The following CDC7 variants were observed in gnomAD, a reference collection of about 807,000 sequenced individuals.
CDC7 encodes cell division cycle 7.
A neutral mutation model predicts 53.5 loss-of-function variants in CDC7; 34 were observed. The ratio of observed to expected loss-of-function variants is 0.64; its 90% CI spans 0.48 to 0.85. The LOEUF is 0.85. Ranked by LOEUF, CDC7 falls within the 40% of genes least tolerant of loss-of-function variation. CDC7 has a pLI of 0.00. For missense variants in CDC7, 594 were observed against 679.7 expected (o/e 0.87, Z 1.40); for synonymous variants, 211 against 222.8 (o/e 0.95, Z 0.47).
In CDC7 at chr1:91,524,541, A is replaced by G. The variant is rs1243658462; in HGVS notation, c.*106A>G. On this transcript the variant is annotated 3_prime_UTR_variant, in exon 12 of 12. Coordinates refer to ENST00000234626, the MANE Select transcript of CDC7 (RefSeq NM_003503.4). ...GAGACCAGAGCAGGATTAATAATTT[A>G]TTTTAACATTTTAGTGTTTGGTGGC... The G allele has an allele frequency of 1.2e-6, 1 of 841,966 alleles. No individual in the cohort carries two copies. The highest frequency in any genetic ancestry group is 1.8e-6 in the Non-Finnish European group (1 of 550,694). 52.2% of individuals were successfully genotyped at this position (841,966 alleles called of 1,614,324 possible). A position where few individuals can be genotyped will look rare whatever the true frequency, so the allele number is the denominator to read the frequency against.
chr1:91,520,355 G>T, intron 11 of CDC7, 76 bp downstream of exon 11: 1 of 1,196,114 alleles, frequency 8.4e-7, no homozygotes, highest in Non-Finnish European at 1.1e-6. Flanking sequence ...AAATTATTGT[G>T]AAATTTTCTT....
chr1:91,513,718 A>AT (rs1250023096), intron 7 of CDC7, among the ~76,000 whole-genome samples: 10 of 151,454 alleles, frequency 6.6e-5, no homozygotes, highest in South Asian at 4.2e-4. Flanking sequence ...TGGTTTTTGA[A>AT]TTTTTTTTTA....
chr1:91,520,005 TG>T (rs1667841968), intron 10 of CDC7, 124 bp from the exon 11 acceptor site: 2 of 650,328 alleles, frequency 3.1e-6, no homozygotes, highest in Admixed American at 3.8e-5. Flanking sequence ...TCTTTGGGTC[TG>T]GGCATCTGAA....
At chr1:91,517,486 G>A (rs1207170996) in intron 10 of CDC7, among the ~76,000 whole-genome samples, 1 of 152,164 alleles carries the variant, frequency 6.6e-6, no homozygotes, top group African/African-American at 2.4e-5. Context: ...TAACCAAGGT[G>A]GAGAGTAAAG....
chr1:91,517,379 A>C (rs1032891399), intron 10 of CDC7, among the ~76,000 whole-genome samples: 5 of 152,180 alleles, frequency 3.3e-5, no homozygotes, highest in African/African-American at 1.2e-4. Flanking sequence ...AGCTTGGTGG[A>C]TAATTGGATG....
chr1:91,511,477 T>C (rs1321126816), intron 4 of CDC7, 120 bp from the exon 5 acceptor site: 8 of 609,438 alleles, frequency 1.3e-5, no homozygotes, highest in Non-Finnish European at 2.1e-5. Context: ...GTGATGATGA[T>C]TTAAGTCAGT....
At chr1:91,510,514 G>A (rs1042231512) in intron 4 of CDC7, among the ~76,000 whole-genome samples, 3 of 152,150 alleles carry the variant, frequency 2.0e-5, no homozygotes, top group Non-Finnish European at 2.9e-5. Context: ...GTTTGTTTCA[G>A]CCTTCTGTGT....
At chr1:91,513,024 C>T (rs1667360516) in intron 6 of CDC7, 34 bp from the exon 7 acceptor site, 2 of 1,596,098 alleles carry the variant, frequency 1.3e-6, no homozygotes, top group African/African-American at 2.7e-5. Flanking sequence ...TTAATTGCTA[C>T]AGATAAGTAA....
rs779517334 is a variant in CDC7 at position 91,508,249 on chromosome 1, A to G, written c.200-13A>G. 1 of 1,567,612 alleles carries G rather than the reference A, an allele frequency of 6.4e-7. No individual in the cohort carries two copies. Among genetic ancestry groups the G allele is most frequent in the Non-Finnish European group, 8.6e-7 (1 of 1,162,528 alleles). On this transcript the variant is annotated splice_polypyrimidine_tract_variant and intron_variant, in intron 3 of 11. Transcript: ENST00000234626. ...AAACCAGATATTGAAAAATTTAATA[A>G]ATTGTTTTACAGGCACTTTCAGCTC...
At chr1:91,519,965 G>A (rs375161601) in intron 10 of CDC7, among the ~76,000 whole-genome samples, 165 bp from the exon 11 acceptor site, 1 of 152,176 alleles carries the variant, frequency 6.6e-6, no homozygotes, top group Non-Finnish European at 1.5e-5. Context: ...ATTGATGCCT[G>A]AGCCCTACTT....
chr1:91,513,199 G>A lies in CDC7; in HGVS notation c.714G>A (p.Leu238=). 1 of 1,613,738 alleles carries A rather than the reference G, an allele frequency of 6.2e-7. No homozygotes were observed. Among genetic ancestry groups the A allele is most frequent in the South Asian group, 1.1e-5 (1 of 91,066 alleles). The change falls in exon 7 of 12, where the codon CTG becomes CTA. Residue 238 remains leucine (L), a synonymous_variant. Coordinates refer to ENST00000234626, the MANE Select transcript of CDC7 (RefSeq NM_003503.4). ...TAATCACAGGAAACAAGATTCCACT[G>A]AGTGGCCCAGTACCTAAGGAGCTGG... ...SHIITGNKIP[L]SGPVPKELDQ... is the part of the protein sequence containing the mutation.
chr1:91,519,990 C>A (rs1667840831), intron 10 of CDC7, 140 bp from the exon 11 acceptor site: 1 of 565,404 alleles, frequency 1.8e-6, no homozygotes, highest in Non-Finnish European at 2.8e-6. Flanking sequence ...ACTGTTCAAT[C>A]AAAATCTTTG....
chr1:91,509,993 T>C (rs1196214444), intron 4 of CDC7, among the ~76,000 whole-genome samples: 2 of 152,126 alleles, frequency 1.3e-5, no homozygotes, highest in African/African-American at 4.8e-5. Context: ...TTTGGGAGGA[T>C]TGCTTGAGGC....
In CDC7 at chr1:91,505,921, G is replaced by T. The variant is rs11164864; in HGVS notation, c.116-1933G>T. On this transcript the variant is annotated intron_variant, in intron 2 of 11. Transcript: ENST00000234626. Reference sequence around the variant, plus strand: ...TCCCTTTCACATCTGTTCTCCACTTGTCATTTTTCTGCTTAAAAACTTCCT... The same window carrying T: ...TCCCTTTCACATCTGTTCTCCACTTTTCATTTTTCTGCTTAAAAACTTCCT... 5.8e-3 allele frequency among the ~76,000 whole-genome samples: 880 copies of T among 152,244 alleles called. 7 individuals carry two copies. The highest frequency in any genetic ancestry group is 0.02 in the African/African-American group (814 of 41,542).
rs778538867 is a variant in CDC7 at position 91,514,956 on chromosome 1, C to T, written c.1056C>T (p.Asp352=). Residue 352 remains aspartate (D), a synonymous_variant, in exon 9 of 12, where the codon GAC becomes GAT. Transcript: ENST00000234626. Reference sequence around the variant, plus strand: ...CTTGCCCAGCTAGCCTGACCTGTGACTGCTATGCAACAGATAAAGTTTGTA... The same window carrying T: ...CTTGCCCAGCTAGCCTGACCTGTGATTGCTATGCAACAGATAAAGTTTGTA... ...ASSCPASLTC[D]CYATDKVCSI... 4.3e-6 allele frequency: 7 copies of T among 1,613,876 alleles called. No homozygotes were observed. Among genetic ancestry groups the T allele is most frequent in the Non-Finnish European group, 5.9e-6 (7 of 1,179,848 alleles).
chr1:91,515,398 T>G (rs1198212624), intron 9 of CDC7, among the ~76,000 whole-genome samples: 1 of 152,194 alleles, frequency 6.6e-6, no homozygotes, highest in Non-Finnish European at 1.5e-5. Context: ...CTTCCTTTCC[T>G]TCAAGGCTTG....
chr1:91,515,971 G>A, intron 10 of CDC7, 95 bp downstream of exon 10: 1 of 1,019,070 alleles, frequency 9.8e-7, no homozygotes. Flanking sequence ...TAATATTTGA[G>A]TTCTTCTGCT....
At chr1:91,514,748 TGCCATACTAGCA>T in intron 8 of CDC7, 59 bp from the exon 9 acceptor site, 1 of 1,199,924 alleles carries the variant, frequency 8.3e-7, no homozygotes, top group Admixed American at 2.6e-5. Flanking sequence ...TATTGCTTTT[TGCCATACTAGCA>T]TTTTAGGACA....
chr1:91,519,801 G>A (rs549266883), intron 10 of CDC7, among the ~76,000 whole-genome samples: 1 of 152,052 alleles, frequency 6.6e-6, no homozygotes, highest in Non-Finnish European at 1.5e-5. Context: ...GATTCCTTTT[G>A]ATCCTATAAA....
Sources: gnomAD v4.1 joint callset for allele counts (sites outside exome capture counted in the v4.1 genomes callset) on GRCh38, gnomAD v4.1.1 for gene constraint, MANE v1.5 for transcripts, NCBI Gene and HGNC (gene_info 2026-07-23, HGNC 2026-07-21) for gene names.